Variants in PALS1 observed in about 807,000 individuals in gnomAD.
PALS1 encodes protein associated with LIN7 1, MAGUK p55 family member, also known as protein PALS1.
Under a neutral mutation model 78.9 loss-of-function variants are expected in PALS1, and 31 were observed. The ratio of observed to expected loss-of-function variants is 0.39; its 90% confidence interval spans 0.30 to 0.53. The LOEUF (loss-of-function observed/expected upper bound fraction) is 0.53, where lower values mean the gene tolerates loss of function less well. PALS1 is among the 20% of genes least tolerant of loss of function. The pLI is 0.67. For synonymous variants in PALS1, 276 were observed against 270.9 expected, an observed-to-expected ratio of 1.02 and a Z score of -0.18; for missense variants, 704 against 826.5, an observed-to-expected ratio of 0.85 and a Z score of 1.82.
intron 3 of PALS1, among the ~76,000 whole-genome samples, chr14:67,283,686 T>C (rs949405341): frequency 2.0e-5 from 3 of 152,140 alleles, no homozygotes; most frequent in African/African-American, 7.2e-5. Flanking sequence ...TTGAGAATTC[T>C]GTGATTTAGT....
At chr14:67,256,952 C>T (rs933162091) in intron 1 of PALS1, among the ~76,000 whole-genome samples, 2 of 152,160 alleles carry the variant, frequency 1.3e-5, no homozygotes, top group African/African-American at 4.8e-5. Flanking sequence ...AGGCTAAGGA[C>T]GCGGCTGTGA....
At chr14:67,301,491 T>C in intron 5 of PALS1, 25 bp downstream of exon 5, 1 of 1,530,872 alleles carries the variant, frequency 6.5e-7, no homozygotes, top group Admixed American at 1.8e-5. Flanking sequence ...GAATACTATA[T>C]ATGTGGTTTT....
chr14:67,325,436 A>G (rs1311441377), intron 14 of PALS1, among the ~76,000 whole-genome samples: 1 of 152,168 alleles, frequency 6.6e-6, no homozygotes, highest in Non-Finnish European at 1.5e-5. Context: ...CATTTCCGCC[A>G]TATACCTACA....
chr14:67,316,137 A>G (rs531718684), intron 9 of PALS1, among the ~76,000 whole-genome samples: 1 of 152,356 alleles, frequency 6.6e-6, no homozygotes, highest in African/African-American at 2.4e-5. Flanking sequence ...GTAATTCAGA[A>G]TCTTCTAAGT....
At chr14:67,280,923 G>A (rs558569058) in intron 3 of PALS1, among the ~76,000 whole-genome samples, 7 of 140,620 alleles carry the variant, frequency 5.0e-5, no homozygotes, top group Middle Eastern at 7.4e-3. Context: ...TTGAGGTGGA[G>A]TCTTGCTCTG....
At chr14:67,323,914 C>A in intron 14 of PALS1, 102 bp downstream of exon 14, 1 of 639,370 alleles carries the variant, frequency 1.6e-6, no homozygotes, top group Non-Finnish European at 2.7e-6. Flanking sequence ...CTTGAGCTTT[C>A]AAACTGATTA....
intron 8 of PALS1, 112 bp downstream of exon 8, chr14:67,303,711 C>A: frequency 1.4e-6 from 1 of 711,636 alleles, no homozygotes; most frequent in Non-Finnish European, 2.3e-6. Context: ...TAAATTCAAT[C>A]ATTTTTATTT....
At chr14:67,260,365 T>C (rs2084216638) in intron 1 of PALS1, among the ~76,000 whole-genome samples, 3 of 152,328 alleles carry the variant, frequency 2.0e-5, no homozygotes, top group South Asian at 2.1e-4. Context: ...TAAGTGGTTC[T>C]TTGGTCAAAA....
chr14:67,263,898 A>G (rs577856579), intron 1 of PALS1, among the ~76,000 whole-genome samples: 37 of 152,046 alleles, frequency 2.4e-4, no homozygotes, highest in Non-Finnish European at 4.3e-4. Context: ...AATTCTTTCT[A>G]TTTTTTTAGA....
intron 2 of PALS1, chr14:67,271,959 T>C (rs1329135954): frequency 4.0e-5 from 6 of 151,856 alleles, no homozygotes; most frequent in Non-Finnish European, 7.4e-5. Context: ...TAATCTCAGC[T>C]ACTCAGGAGG....
At chr14:67,263,436 T>G (rs1342911662) in intron 1 of PALS1, among the ~76,000 whole-genome samples, 1 of 152,228 alleles carries the variant, frequency 6.6e-6, no homozygotes, top group African/African-American at 2.4e-5. Flanking sequence ...GCAAATGTAC[T>G]TCATAGAATT....
intron 14 of PALS1, among the ~76,000 whole-genome samples, chr14:67,331,046 ATTTC>A (rs1271432375): frequency 3.3e-5 from 5 of 151,060 alleles, no homozygotes; most frequent in South Asian, 2.1e-4. Flanking sequence ...CTCCTGTGAT[ATTTC>A]TTTCTTTTTT....
intron 8 of PALS1, among the ~76,000 whole-genome samples, chr14:67,310,898 C>A (rs951151365): frequency 1.3e-4 from 20 of 152,214 alleles, no homozygotes; most frequent in South Asian, 8.3e-4. Context: ...AGTCTGTCAT[C>A]GACAGTACTC....
At chr14:67,301,502 TC>T in intron 5 of PALS1, 36 bp downstream of exon 5, 1 of 1,454,280 alleles carries the variant, frequency 6.9e-7, no homozygotes, top group Non-Finnish European at 9.5e-7. Context: ...ATGTGGTTTT[TC>T]CAGCATTCTT....
At chr14:67,319,544 C>T (rs551205589) in intron 11 of PALS1, among the ~76,000 whole-genome samples, 51 of 145,834 alleles carry the variant, frequency 3.5e-4, no homozygotes, top group South Asian at 1.5e-3. Context: ...CCCTGGGCCA[C>T]ATTAGAAGAA....
chr14:67,327,853 G>C (rs187104063), intron 14 of PALS1, among the ~76,000 whole-genome samples: 1 of 152,190 alleles, frequency 6.6e-6, no homozygotes, highest in African/African-American at 2.4e-5. Context: ...ATTCCATGGT[G>C]TATATGTGCC....
chr14:67,297,435 T>C (rs1279468147), intron 4 of PALS1, among the ~76,000 whole-genome samples: 1 of 152,234 alleles, frequency 6.6e-6, no homozygotes, highest in Non-Finnish European at 1.5e-5. Context: ...TTACTAGTTT[T>C]TTTTGTGTTT....
intron 4 of PALS1, among the ~76,000 whole-genome samples, chr14:67,299,837 C>T (rs2084908310): frequency 6.6e-6 from 1 of 152,160 alleles, no homozygotes; most frequent in Admixed American, 6.5e-5. Context: ...TGAGCTGACT[C>T]AGTGTATTTT....
chr14:67,325,733 C>T (rs2085343037), intron 14 of PALS1, among the ~76,000 whole-genome samples: 1 of 152,020 alleles, frequency 6.6e-6, no homozygotes, highest in African/African-American at 2.4e-5. Flanking sequence ...TCTTTTTAGG[C>T]TATCTTTTTT....
Sources: allele counts gnomAD v4.1 joint callset (sites outside exome capture counted in the v4.1 genomes callset), GRCh38; gene constraint gnomAD v4.1.1; transcripts MANE v1.5; gene names NCBI Gene and HGNC (gene_info 2026-07-23, HGNC 2026-07-21).